Variants in WASF3 observed in about 807,000 individuals in gnomAD.
WASF3 encodes the protein WASP family member 3.
A neutral mutation model predicts 46.6 loss-of-function variants in WASF3; 11 were observed. That is an observed-to-expected ratio of 0.24 (90% CI 0.15 to 0.39). The LOEUF is 0.39. WASF3 is among the 10% of genes least tolerant of loss of function. The pLI, the probability that WASF3 is intolerant of heterozygous loss-of-function variation, is 1.00. For synonymous variants in WASF3, 242 were observed against 259.7 expected (o/e 0.93, Z 0.65); for missense variants, 576 against 669.8 (o/e 0.86, Z 1.55).
At chr13:26,601,870 G>A (rs555442953) in intron 1 of WASF3, among the ~76,000 whole-genome samples, 94 of 152,308 alleles carry the variant, frequency 6.2e-4, no homozygotes, top group African/African-American at 2.3e-3. Context: ...ATACACAAAT[G>A]CAAAGATATC....
intron 1 of WASF3, among the ~76,000 whole-genome samples, chr13:26,601,555 C>G (rs1880643358): frequency 6.6e-6 from 1 of 152,304 alleles, no homozygotes; most frequent in East Asian, 1.9e-4. Context: ...TTGACAGATT[C>G]AGCTGGCATT....
intron 3 of WASF3, among the ~76,000 whole-genome samples, chr13:26,661,225 A>G (rs1317385270): frequency 6.6e-6 from 1 of 152,218 alleles, no homozygotes; most frequent in East Asian, 1.9e-4. Context: ...AGATCTCCAG[A>G]ATGTTGTCAT....
chr13:26,574,820 T>G (rs1190306934), intron 1 of WASF3, among the ~76,000 whole-genome samples: 1 of 152,166 alleles, frequency 6.6e-6, no homozygotes. Flanking sequence ...ATTCGTACTT[T>G]TGTAGTACCT....
chr13:26,591,824 T>G (rs1459679921), intron 1 of WASF3, among the ~76,000 whole-genome samples: 1 of 151,570 alleles, frequency 6.6e-6, no homozygotes, highest in Admixed American at 6.6e-5. Flanking sequence ...GAGGACTGAG[T>G]TGTAGGTTCT....
At chr13:26,610,729 T>C (rs958427213) in intron 1 of WASF3, among the ~76,000 whole-genome samples, 1 of 152,112 alleles carries the variant, frequency 6.6e-6, no homozygotes, top group African/African-American at 2.4e-5. Flanking sequence ...TAGCCATGTA[T>C]GGAAATAGAA....
At chr13:26,667,428 T>A (rs141721505) in intron 4 of WASF3, 89 bp from the exon 5 acceptor site, 22,188 of 1,132,744 alleles carry the variant, frequency 0.02, 283 homozygotes, top group Non-Finnish European at 0.022. Context: ...TTCTAGGAGG[T>A]GTTTTTAATT....
rs183526623 is a variant in WASF3 at position 26,596,731 on chromosome 13, C to T, written c.-108-16230C>T. On this transcript the variant is annotated intron_variant, in intron 1 of 9. Transcript: ENST00000335327. ...ATTATTTCTTAAGATATCTTTTATC[C>T]GGTTCTCTCCTTGTCTTCTGGGACT... is the stretch of plus-strand genomic sequence containing the variant. 1.8e-3 allele frequency among the ~76,000 whole-genome samples: 269 copies of T among 152,070 alleles called. 2 individuals are homozygous for T. Among genetic ancestry groups the T allele is most frequent in the African/African-American group, 6.1e-3 (252 of 41,492 alleles).
At chr13:26,644,145 A>C (rs1216094649) in intron 3 of WASF3, among the ~76,000 whole-genome samples, 6 of 152,204 alleles carry the variant, frequency 3.9e-5, no homozygotes, top group African/African-American at 1.2e-4. Context: ...AGATGGAAGA[A>C]GAGGGGCCAT....
At chr13:26,584,534 T>G (rs930857217) in intron 1 of WASF3, among the ~76,000 whole-genome samples, 3 of 152,218 alleles carry the variant, frequency 2.0e-5, no homozygotes, top group Non-Finnish European at 4.4e-5. Context: ...ACCAGCGGAA[T>G]TACTAGTATT....
chr13:26,546,429 C>T, the WASF3 span, among the ~76,000 whole-genome samples: 1 of 152,150 alleles, frequency 6.6e-6, no homozygotes, highest in Non-Finnish European at 1.5e-5. Context: ...AGACTGGGTG[C>T]GGTGGCTCAC....
chr13:26,554,648 T>C (rs565202832), upstream of WASF3, among the ~76,000 whole-genome samples: 1 of 152,340 alleles, frequency 6.6e-6, no homozygotes, highest in South Asian at 2.1e-4. Context: ...ATACAGTCTG[T>C]AGCCTTCTCA....
chr13:26,544,444 C>T, the WASF3 span, among the ~76,000 whole-genome samples: 1 of 152,172 alleles, frequency 6.6e-6, no homozygotes, highest in South Asian at 2.1e-4. Context: ...AGCTATCCTG[C>T]ACAAACATGG....
intron 1 of WASF3, among the ~76,000 whole-genome samples, chr13:26,597,426 C>T (rs185470291): frequency 5.1e-4 from 77 of 152,264 alleles, no homozygotes; most frequent in East Asian, 3.7e-3. Context: ...TGAGCCACCA[C>T]GCCTGGCCCC....
intron 1 of WASF3, among the ~76,000 whole-genome samples, chr13:26,590,183 A>G (rs930562198): frequency 6.6e-6 from 1 of 152,044 alleles, no homozygotes; most frequent in Non-Finnish European, 1.5e-5. Flanking sequence ...CCATCGCGCT[A>G]ATTTCCATCC....
At chr13:26,665,602 T>C (rs1882747045) in intron 4 of WASF3, among the ~76,000 whole-genome samples, 1 of 152,208 alleles carries the variant, frequency 6.6e-6, no homozygotes, top group Non-Finnish European at 1.5e-5. Context: ...TCCTGGTGAT[T>C]CTGCTGATTT....
chr13:26,555,558 A>C (rs531505726), upstream of WASF3, among the ~76,000 whole-genome samples: 1 of 152,184 alleles, frequency 6.6e-6, no homozygotes, highest in African/African-American at 2.4e-5. Context: ...TGCAGACCCA[A>C]CTGGGCATGC....
chr13:26,587,780 T>C (rs1387811698), intron 1 of WASF3, among the ~76,000 whole-genome samples: 3 of 152,146 alleles, frequency 2.0e-5, no homozygotes, highest in African/African-American at 4.8e-5. Flanking sequence ...CTGTAACAAA[T>C]TGGAAAATAA....
intron 1 of WASF3, among the ~76,000 whole-genome samples, chr13:26,601,218 T>G (rs1880632410): frequency 6.6e-6 from 1 of 152,212 alleles, no homozygotes; most frequent in African/African-American, 2.4e-5. Flanking sequence ...TTTAGGAAAT[T>G]TCCATGGAAT....
chr13:26,579,169 T>C (rs1206026717), intron 1 of WASF3, among the ~76,000 whole-genome samples: 1 of 151,128 alleles, frequency 6.6e-6, no homozygotes, highest in Non-Finnish European at 1.5e-5. Flanking sequence ...CCAGCGAATT[T>C]TTTAAGTTTT....
Sources: allele counts gnomAD v4.1 joint callset (sites outside exome capture counted in the v4.1 genomes callset), GRCh38; gene constraint gnomAD v4.1.1; transcripts MANE v1.5; gene names NCBI Gene and HGNC (gene_info 2026-07-23, HGNC 2026-07-21).